The following ST6GAL1 variants were observed in gnomAD, a reference collection of about 807,000 sequenced individuals.
The protein encoded by ST6GAL1 is ST6 beta-galactoside alpha-2,6-sialyltransferase 1, also known as beta-galactoside alpha-2,6-sialyltransferase 1.
In ST6GAL1, 20 loss-of-function variants were observed where a neutral mutation model predicts 38.0. The observed-to-expected ratio is 0.53, with a 90% CI of 0.37 to 0.77. ST6GAL1 has a LOEUF of 0.77. Ranked by LOEUF, ST6GAL1 falls within the 30% of genes least tolerant of loss-of-function variation. The pLI is 0.00. For missense variants in ST6GAL1, 432 were observed against 496.4 expected (o/e 0.87, Z 1.23); for synonymous variants, 196 against 188.2 (o/e 1.04, Z -0.34).
chr3:186,951,426 A>G (rs12632862), intron 1 of ST6GAL1, among the ~76,000 whole-genome samples: 65,972 of 152,096 alleles, frequency 0.43, 15,822 homozygotes, highest in Non-Finnish European at 0.55. Flanking sequence ...TTGTTGGTCC[A>G]TTGGTTCTCA....
intron 5 of ST6GAL1, among the ~76,000 whole-genome samples, chr3:187,066,589 TGTGC>T (rs1011710939): frequency 4.1e-4 from 54 of 132,126 alleles, no homozygotes; most frequent in South Asian, 3.8e-3. Flanking sequence ...TATCTGAAGA[TGTGC>T]GTGCGTGCGT....
At chr3:186,956,556 C>T (rs1481175986) in intron 1 of ST6GAL1, among the ~76,000 whole-genome samples, 1 of 152,200 alleles carries the variant, frequency 6.6e-6, no homozygotes, top group Non-Finnish European at 1.5e-5. Context: ...TCTCGCTGCT[C>T]CCAGCACTTT....
chr3:186,944,881 A>T (rs1482225104), intron 1 of ST6GAL1, among the ~76,000 whole-genome samples: 1 of 152,228 alleles, frequency 6.6e-6, no homozygotes, highest in Non-Finnish European at 1.5e-5. Context: ...TAACTCTGGG[A>T]AAAAGTCTCC....
chr3:186,939,216 G>A (rs1368205685), intron 1 of ST6GAL1, among the ~76,000 whole-genome samples: 6 of 151,944 alleles, frequency 3.9e-5, no homozygotes, highest in Non-Finnish European at 8.8e-5. Flanking sequence ...TGGGACTACA[G>A]GCATGCACCA....
At chr3:186,994,729 G>A (rs981855666) in intron 2 of ST6GAL1, among the ~76,000 whole-genome samples, 14 of 151,898 alleles carry the variant, frequency 9.2e-5, no homozygotes, top group African/African-American at 3.1e-4. Flanking sequence ...TGGCCAAGGC[G>A]GCCAAGGAGT....
intron 3 of ST6GAL1, 139 bp from the exon 4 acceptor site, chr3:187,042,515 C>T: frequency 1.3e-6 from 1 of 778,006 alleles, no homozygotes; most frequent in Non-Finnish European, 2.0e-6. Flanking sequence ...TAACAGGCTG[C>T]AGAGGTGGCC....
intron 2 of ST6GAL1, among the ~76,000 whole-genome samples, chr3:186,984,242 A>G (rs1379808619): frequency 1.3e-5 from 2 of 152,212 alleles, no homozygotes; most frequent in African/African-American, 4.8e-5. Context: ...GGTCTAAGCC[A>G]TGAGCATCGC....
intron 2 of ST6GAL1, among the ~76,000 whole-genome samples, chr3:186,994,718 G>A (rs558337188): frequency 6.6e-6 from 1 of 152,208 alleles, no homozygotes; most frequent in East Asian, 1.9e-4. Flanking sequence ...AGCACTTTGG[G>A]TGGCCAAGGC....
intron 1 of ST6GAL1, among the ~76,000 whole-genome samples, chr3:186,962,054 C>G (rs1714952848): frequency 6.6e-6 from 1 of 152,210 alleles, no homozygotes; most frequent in South Asian, 2.1e-4. Flanking sequence ...TTACAAACAG[C>G]AGCAAAGTGC....
chr3:187,026,411 C>T (rs917022000), intron 2 of ST6GAL1, among the ~76,000 whole-genome samples: 2 of 152,180 alleles, frequency 1.3e-5, no homozygotes, highest in Admixed American at 6.5e-5. Flanking sequence ...CACCAAATTA[C>T]AGGACCTTTA....
rs1470073590 is a variant in ST6GAL1, at chr3:186,995,500, C to T, written c.-183+31574C>T. Among the ~76,000 whole-genome samples the T allele has an allele frequency of 1.1e-4, 7 of 64,216 alleles. No individual in the cohort carries two copies. The East Asian group carries it at 3.7e-3, about 34-fold the overall frequency. 42.1% of individuals were successfully genotyped at this position (64,216 alleles called of 152,430 possible). ...CAGCCTGGGTGACAGAGTGAGACAC[C>T]ATCTCAAAAAAAAAATAATAATAAA... On this transcript the variant is annotated intron_variant, in intron 2 of 7. Coordinates refer to ENST00000169298, the MANE Select transcript of ST6GAL1 (RefSeq NM_173216.2).
At chr3:187,002,898 G>T (rs1057250972) in intron 2 of ST6GAL1, among the ~76,000 whole-genome samples, 1 of 152,146 alleles carries the variant, frequency 6.6e-6, no homozygotes, top group Non-Finnish European at 1.5e-5. Flanking sequence ...AATGCAAGAA[G>T]CAAGTTTAAT....
intron 2 of ST6GAL1, among the ~76,000 whole-genome samples, chr3:186,989,459 A>G (rs1579299900): frequency 6.6e-6 from 1 of 152,214 alleles, no homozygotes; most frequent in Non-Finnish European, 1.5e-5. Flanking sequence ...CTGGCTGGCC[A>G]CTTTTTGTTG....
intron 2 of ST6GAL1, among the ~76,000 whole-genome samples, chr3:186,990,588 C>G (rs148089703): frequency 2.6e-5 from 4 of 151,806 alleles, no homozygotes; most frequent in Non-Finnish European, 4.4e-5. Context: ...TCTACCTCAC[C>G]TCAACCCCAG....
chr3:186,935,705 T>C (rs1392696736), intron 1 of ST6GAL1, among the ~76,000 whole-genome samples: 1 of 152,132 alleles, frequency 6.6e-6, no homozygotes, highest in Admixed American at 6.6e-5. Flanking sequence ...CTGACTGGTG[T>C]GAGACCAGCT....
chr3:186,945,692 G>A (rs1714333417), intron 1 of ST6GAL1, among the ~76,000 whole-genome samples: 1 of 152,048 alleles, frequency 6.6e-6, no homozygotes, highest in Admixed American at 6.5e-5. Flanking sequence ...TTAATTAGAA[G>A]TGTACCTTTT....
chr3:187,072,376 CTGTGTTGGCTGT>C (rs1719413709), intron 5 of ST6GAL1: 1 of 205,010 alleles, frequency 4.9e-6, no homozygotes, highest in Admixed American at 5.4e-5. Context: ...CTGTGTTGGA[CTGTGTTGGCTGT>C]GTTGGACTTC....
At chr3:186,933,752 A>G (rs551077193) in intron 1 of ST6GAL1, among the ~76,000 whole-genome samples, 26 of 152,362 alleles carry the variant, frequency 1.7e-4, no homozygotes, top group Admixed American at 3.3e-4. Flanking sequence ...TAAAAGGGAA[A>G]TGGTTGCATC....
At chr3:186,953,428 G>T (rs187269752) in intron 1 of ST6GAL1, among the ~76,000 whole-genome samples, 14 of 151,948 alleles carry the variant, frequency 9.2e-5, no homozygotes, top group African/African-American at 2.9e-4. Context: ...TATTGTTTTC[G>T]TCTCTTCTTC....
Sources: allele counts gnomAD v4.1 joint callset (sites outside exome capture counted in the v4.1 genomes callset), GRCh38; gene constraint gnomAD v4.1.1; transcripts MANE v1.5; gene names NCBI Gene and HGNC (gene_info 2026-07-23, HGNC 2026-07-21).